The following STX8 variants were observed in gnomAD, a reference collection of about 807,000 sequenced individuals.
The protein encoded by STX8 is syntaxin-8.
STX8 carries 23 observed loss-of-function variants against 37.5 expected under a neutral mutation model. That is an observed-to-expected ratio of 0.61 (90% CI 0.44 to 0.87). The LOEUF (loss-of-function observed/expected upper bound fraction) is 0.87. Among genes scored for constraint, STX8 ranks in the 40% least tolerant of loss-of-function variants. The probability of loss-of-function intolerance (pLI) is 0.00; values close to 1 mark genes in which losing one functional copy is unlikely to be tolerated. For synonymous variants in STX8, 115 were observed against 99.1 expected (o/e 1.16, Z -0.95); for missense variants, 313 against 284.7 (o/e 1.10, Z -0.71).
chr17:9,428,578 C>T (rs989663405), intron 6 of STX8, among the ~76,000 whole-genome samples: 4 of 152,146 alleles, frequency 2.6e-5, no homozygotes, highest in Non-Finnish European at 4.4e-5. Context: ...TGTGTTCACC[C>T]TGAGTGGATC....
chr17:9,508,391 A>ATC (rs113803695), intron 4 of STX8, among the ~76,000 whole-genome samples: 2,070 of 152,244 alleles, frequency 0.014, 48 homozygotes, highest in African/African-American at 0.046. Context: ...CAGTGGCATT[A>ATC]TCTCAGCTCA....
chr17:9,270,373 A>G (rs143659238), intron 7 of STX8, among the ~76,000 whole-genome samples: 1,593 of 151,752 alleles, frequency 0.01, 18 homozygotes, highest in Middle Eastern at 0.032. Flanking sequence ...TCAGCCTCCC[A>G]AGTAGCTGGG....
intron 6 of STX8, among the ~76,000 whole-genome samples, chr17:9,386,146 A>C (rs1473204015): frequency 1.3e-5 from 2 of 151,192 alleles, no homozygotes; most frequent in African/African-American, 4.9e-5. Context: ...TATACATAGC[A>C]ACCTTATTCA....
intron 7 of STX8, among the ~76,000 whole-genome samples, chr17:9,262,140 T>C (rs1461216950): frequency 2.0e-5 from 3 of 152,202 alleles, no homozygotes; most frequent in Non-Finnish European, 4.4e-5. Context: ...ACCAAATGCT[T>C]ATCTCATTTG....
chr17:9,341,289 C>G (rs1294158473), intron 7 of STX8, among the ~76,000 whole-genome samples: 1 of 152,144 alleles, frequency 6.6e-6, no homozygotes, highest in South Asian at 2.1e-4. Flanking sequence ...CCTTTCTATG[C>G]CCGCCTGGCC....
chr17:9,558,553 C>A (rs1204000690), intron 2 of STX8, among the ~76,000 whole-genome samples: 1 of 152,090 alleles, frequency 6.6e-6, no homozygotes. Context: ...GAGAAAAGAG[C>A]GGCCGGGCGC....
At chr17:9,337,740 C>T (rs1910184557) in intron 7 of STX8, among the ~76,000 whole-genome samples, 1 of 152,150 alleles carries the variant, frequency 6.6e-6, no homozygotes, top group Non-Finnish European at 1.5e-5. Context: ...CCCAAATCAA[C>T]CCTGAAGGAC....
intron 6 of STX8, among the ~76,000 whole-genome samples, chr17:9,436,950 G>T (rs1386361748): frequency 6.6e-6 from 1 of 152,156 alleles, no homozygotes. Context: ...GGACAGGCAA[G>T]CAATCACAAA....
chr17:9,269,371 C>T (rs888366439), intron 7 of STX8, among the ~76,000 whole-genome samples: 20 of 152,084 alleles, frequency 1.3e-4, no homozygotes, highest in African/African-American at 4.6e-4. Context: ...CTCAAGACAC[C>T]GTCCTGGAAA....
At chr17:9,277,787 C>A (rs991214663) in intron 7 of STX8, among the ~76,000 whole-genome samples, 1 of 151,970 alleles carries the variant, frequency 6.6e-6, no homozygotes, top group Non-Finnish European at 1.5e-5. Flanking sequence ...GAGTGGGAAG[C>A]ACAGAGCAGC....
Position 9,491,929 on chromosome 17 carries a change from A to C in STX8, c.449-8T>G, listed in dbSNP as rs868136154. The C allele has an allele frequency of 6.3e-7, 1 of 1,590,322 alleles. No homozygotes were observed. The highest frequency in any genetic ancestry group is 1.4e-5 in the African/African-American group (1 of 74,008). The stretch of plus-strand genomic sequence containing the variant: ...CAAGGCCTGCGTCCTGTTCTGAAAG[A>C]AAAAAGAAAAATAATTAACTAGAAA... On this transcript the variant is annotated splice_polypyrimidine_tract_variant and splice_region_variant and intron_variant, in intron 5 of 7. Coordinates refer to ENST00000306357, the MANE Select transcript of STX8 (RefSeq NM_004853.3).
intron 6 of STX8, among the ~76,000 whole-genome samples, chr17:9,431,790 G>C (rs570716825): frequency 4.1e-4 from 63 of 152,186 alleles, no homozygotes; most frequent in Non-Finnish European, 8.2e-4. Flanking sequence ...TTAAGACCAC[G>C]AGTGCTGTAC....
intron 7 of STX8, among the ~76,000 whole-genome samples, chr17:9,282,416 G>A (rs1907919192): frequency 6.6e-6 from 1 of 152,240 alleles, no homozygotes; most frequent in African/African-American, 2.4e-5. Context: ...TTACAGGCGT[G>A]AGCCACTGCA....
At chr17:9,393,471 T>C (rs888947636) in intron 6 of STX8, among the ~76,000 whole-genome samples, 2 of 152,204 alleles carry the variant, frequency 1.3e-5, no homozygotes, top group Admixed American at 6.5e-5. Flanking sequence ...GTTTGGTGGA[T>C]GAAAACCAAA....
chr17:9,492,572 T>C (rs1225524666), intron 5 of STX8, among the ~76,000 whole-genome samples: 1 of 152,184 alleles, frequency 6.6e-6, no homozygotes, highest in African/African-American at 2.4e-5. Context: ...TATACAAGGA[T>C]ATTCCCTGAA....
At chr17:9,411,060 C>T (rs1170437347) in intron 6 of STX8, among the ~76,000 whole-genome samples, 1 of 152,164 alleles carries the variant, frequency 6.6e-6, no homozygotes, top group Admixed American at 6.5e-5. Context: ...TTCTTACCTA[C>T]CTGTGTTTCA....
intron 7 of STX8, among the ~76,000 whole-genome samples, chr17:9,278,144 G>A (rs887067490): frequency 1.3e-5 from 2 of 151,720 alleles, no homozygotes; most frequent in Admixed American, 1.3e-4. Context: ...AGTGGAGACA[G>A]AGGGATTGAA....
intron 6 of STX8, among the ~76,000 whole-genome samples, chr17:9,412,470 G>T (rs576216820): frequency 6.6e-6 from 1 of 152,144 alleles, no homozygotes; most frequent in South Asian, 2.1e-4. Flanking sequence ...GTAGAGACAG[G>T]TTTTCTCCAT....
At chr17:9,267,899 G>A (rs1430787933) in intron 7 of STX8, among the ~76,000 whole-genome samples, 3 of 151,900 alleles carry the variant, frequency 2.0e-5, no homozygotes, top group Non-Finnish European at 4.4e-5. Context: ...GCTGAGGCAG[G>A]AGAATCACTT....
Sources: gnomAD v4.1 joint callset for allele counts (sites outside exome capture counted in the v4.1 genomes callset) on GRCh38, gnomAD v4.1.1 for gene constraint, MANE v1.5 for transcripts, NCBI Gene and HGNC (gene_info 2026-07-23, HGNC 2026-07-21) for gene names.